Variants in SLC14A2 observed in about 807,000 individuals in gnomAD.
SLC14A2 encodes urea transporter 2.
SLC14A2 carries 91 observed loss-of-function variants against 104.6 expected under a neutral mutation model. The ratio of observed to expected loss-of-function variants is 0.87; its 90% CI spans 0.73 to 1.04. The LOEUF (loss-of-function observed/expected upper bound fraction) is 1.04, where lower values mean the gene tolerates loss of function less well. SLC14A2 is among the 50% of genes least tolerant of loss of function. The probability of loss-of-function intolerance (pLI) is 0.00; values close to 1 mark genes in which losing one functional copy is unlikely to be tolerated. For synonymous variants in SLC14A2, 476 were observed against 466.4 expected (o/e 1.02, Z -0.27); for missense variants, 1,189 against 1,156.0 (o/e 1.03, Z -0.41).
At position 45,376,827 on chromosome 18, in the gene SLC14A2, A is replaced by G. The variant is rs973675480; in HGVS notation, c.-124-106406A>G. Among the ~76,000 whole-genome samples the G allele has an allele frequency of 5.3e-5, 8 of 152,208 alleles. No homozygotes were observed. In the East Asian group the frequency reaches 1.3e-3, roughly 26 times the overall value. On this transcript the variant is annotated intron_variant, in intron 1 of 20. Coordinates refer to the SLC14A2 transcript ENST00000586448. The stretch of plus-strand genomic sequence containing the variant: ...ATCTTGATTTCTGATGGTTGATTCA[A>G]TGGATACTTTATAACGACAGAGACC...
intron 1 of SLC14A2, among the ~76,000 whole-genome samples, chr18:45,391,704 T>G (rs181780873): frequency 0.011 from 1,621 of 152,324 alleles, 27 homozygotes; most frequent in African/African-American, 0.037. Context: ...TCATGTGTCT[T>G]TTGGCTGTAT....
At chr18:45,246,930 A>G (rs1173789367) in intron 1 of SLC14A2, among the ~76,000 whole-genome samples, 1 of 152,206 alleles carries the variant, frequency 6.6e-6, no homozygotes, top group African/African-American at 2.4e-5. Flanking sequence ...CTTAACAGAG[A>G]TAAGATAGCT....
chr18:45,633,552 G>A (rs767796505), intron 5 of SLC14A2, among the ~76,000 whole-genome samples: 2 of 152,196 alleles, frequency 1.3e-5, no homozygotes, highest in Non-Finnish European at 2.9e-5. Flanking sequence ...GGTCTATCAA[G>A]CATCTTGGGG....
chr18:45,422,905 C>G lies in SLC14A2; in HGVS notation c.-124-60328C>G, dbSNP rs191245773. On this transcript the variant is annotated intron_variant, in intron 1 of 20. Transcript: ENST00000586448. Reference sequence around the variant, plus strand: ...TTTGTACACTGCTGTCACATGTAGGCTTAGCCCGGCTCCCTCAGTGCTAAT... The same window carrying G: ...TTTGTACACTGCTGTCACATGTAGGGTTAGCCCGGCTCCCTCAGTGCTAAT... Among the ~76,000 whole-genome samples the G allele has an allele frequency of 4.1e-3, 622 of 152,276 alleles. 2 individuals carry two copies. Among genetic ancestry groups the G allele is most frequent in the Non-Finnish European group, 8.0e-3 (542 of 68,016 alleles).
intron 16 of SLC14A2, among the ~76,000 whole-genome samples, chr18:45,670,936 T>TAC (rs1336345765): frequency 3.9e-5 from 6 of 152,206 alleles, no homozygotes; most frequent in African/African-American, 1.4e-4. Flanking sequence ...GTGCTGGGAT[T>TAC]ACAGGCGTGG....
intron 4 of SLC14A2, among the ~76,000 whole-genome samples, chr18:45,628,772 G>A (rs968175417): frequency 5.9e-5 from 9 of 152,214 alleles, no homozygotes; most frequent in African/African-American, 2.2e-4. Context: ...TTTCATTTAT[G>A]TTGGGGATGT....
intron 1 of SLC14A2, among the ~76,000 whole-genome samples, chr18:45,290,375 T>C (rs536966893): frequency 6.6e-6 from 1 of 152,340 alleles, no homozygotes; most frequent in African/African-American, 2.4e-5. Flanking sequence ...ACTAGATTTC[T>C]CCTGAGACTT....
intron 1 of SLC14A2, among the ~76,000 whole-genome samples, chr18:45,327,731 C>T (rs1329739156): frequency 2.0e-5 from 3 of 152,160 alleles, no homozygotes; most frequent in South Asian, 4.1e-4. Flanking sequence ...CTTTTTGAGG[C>T]CGAAAACATT....
chr18:45,437,564 A>G (rs894830520), intron 1 of SLC14A2, among the ~76,000 whole-genome samples: 2 of 152,182 alleles, frequency 1.3e-5, no homozygotes, highest in Non-Finnish European at 2.9e-5. Flanking sequence ...CATGCGGTCT[A>G]TCATCCCCAT....
chr18:45,656,140 C>A (rs1318572), intron 10 of SLC14A2, among the ~76,000 whole-genome samples: 2 of 152,158 alleles, frequency 1.3e-5, no homozygotes, highest in Admixed American at 6.5e-5. Flanking sequence ...AACTCCACTG[C>A]GGCCTCAACT....
intron 1 of SLC14A2, among the ~76,000 whole-genome samples, chr18:45,261,560 C>T (rs1010920245): frequency 6.6e-6 from 1 of 151,284 alleles, no homozygotes; most frequent in Non-Finnish European, 1.5e-5. Context: ...CCTCCCCTCT[C>T]CCCCAACCCC....
intron 1 of SLC14A2, among the ~76,000 whole-genome samples, chr18:45,452,785 T>TA (rs912795519): frequency 7.9e-5 from 12 of 151,950 alleles, no homozygotes; most frequent in Admixed American, 7.9e-4. Context: ...GTCACACACA[T>TA]AAAAAATAGC....
intron 1 of SLC14A2, among the ~76,000 whole-genome samples, chr18:45,441,074 G>A (rs2086675020): frequency 6.6e-6 from 1 of 152,166 alleles, no homozygotes; most frequent in Non-Finnish European, 1.5e-5. Context: ...CCATCTGACT[G>A]CTTCTGCCTG....
intron 1 of SLC14A2, among the ~76,000 whole-genome samples, chr18:45,457,305 C>A (rs140193107): frequency 6.6e-6 from 1 of 152,050 alleles, no homozygotes; most frequent in Admixed American, 6.6e-5. Context: ...TGAAAGCCCC[C>A]CTACCATCCC....
intron 1 of SLC14A2, among the ~76,000 whole-genome samples, chr18:45,399,123 G>A (rs1219424063): frequency 1.3e-5 from 2 of 152,168 alleles, no homozygotes; most frequent in African/African-American, 4.8e-5. Flanking sequence ...ATTGAGATGA[G>A]AACACTGAGG....
chr18:45,347,612 A>G (rs933533882), intron 1 of SLC14A2, among the ~76,000 whole-genome samples: 1 of 152,156 alleles, frequency 6.6e-6, no homozygotes, highest in African/African-American at 2.4e-5. Context: ...TCCTGGTGCT[A>G]ATACCATCTG....
chr18:45,384,373 C>A (rs1598741416), intron 1 of SLC14A2, among the ~76,000 whole-genome samples: 2 of 152,172 alleles, frequency 1.3e-5, no homozygotes, highest in Non-Finnish European at 2.9e-5. Flanking sequence ...TGAACAAATT[C>A]TCTTGCTGTA....
chr18:45,304,040 T>C (rs1458706158), intron 1 of SLC14A2, among the ~76,000 whole-genome samples: 4 of 152,082 alleles, frequency 2.6e-5, no homozygotes, highest in Admixed American at 2.0e-4. Context: ...ATATTCAGGG[T>C]TTATATTATT....
intron 1 of SLC14A2, among the ~76,000 whole-genome samples, chr18:45,381,009 T>A (rs1325151269): frequency 6.6e-6 from 1 of 152,208 alleles, no homozygotes; most frequent in Non-Finnish European, 1.5e-5. Context: ...AGGATCTAGA[T>A]CTGTGGACTT....
Sources: allele counts gnomAD v4.1 joint callset (sites outside exome capture counted in the v4.1 genomes callset), GRCh38; gene constraint gnomAD v4.1.1; transcripts MANE v1.5; gene names NCBI Gene and HGNC (gene_info 2026-07-23, HGNC 2026-07-21).